The following GADL1 variants were observed in gnomAD, a reference collection of about 807,000 sequenced individuals.
GADL1 encodes the protein acidic amino acid decarboxylase GADL1.
Under a neutral mutation model 69.5 loss-of-function variants are expected in GADL1, and 71 were observed. The ratio of observed to expected loss-of-function variants is 1.02; its 90% CI spans 0.84 to 1.25. The LOEUF is 1.25. Ranked by LOEUF, GADL1 falls within the 50% of genes most tolerant of loss-of-function variation. GADL1 has a pLI of 0.00. For synonymous variants in GADL1, 254 were observed against 214.4 expected (o/e 1.18, Z -1.62); for missense variants, 737 against 631.8 (o/e 1.17, Z -1.79).
rs1301455418 is a variant in GADL1 at position 30,844,203 on chromosome 3, C to T, written c.786+7G>A. The T allele has an allele frequency of 1.9e-6, 3 of 1,610,826 alleles. No homozygotes were observed. The highest frequency in any genetic ancestry group is 2.2e-5 in the East Asian group (1 of 44,842). ...TTCTCTCTCCCTCTCGCTTTCTCCC[C>T]TCTCACCTCTTTTCTGGCTTGCCAG... On this transcript the variant is annotated splice_region_variant and intron_variant, in intron 8 of 14. Coordinates refer to ENST00000282538, the MANE Select transcript of GADL1 (RefSeq NM_207359.3).
chr3:30,744,863 A>C (rs1331512974), intron 14 of GADL1, among the ~76,000 whole-genome samples: 1 of 152,230 alleles, frequency 6.6e-6, no homozygotes, highest in Non-Finnish European at 1.5e-5. Flanking sequence ...CTTTATTTAC[A>C]AAAAAATGAC....
intron 12 of GADL1, chr3:30,799,667 C>T (rs930747105): frequency 5.3e-5 from 8 of 152,174 alleles, no homozygotes; most frequent in South Asian, 2.1e-4. Context: ...GTTTTTTCTA[C>T]TGCATCGTCA....
At chr3:30,776,384 TTC>T (rs1295430521) in intron 14 of GADL1, among the ~76,000 whole-genome samples, 2 of 152,226 alleles carry the variant, frequency 1.3e-5, no homozygotes, top group African/African-American at 4.8e-5. Context: ...CACCACTAAA[TTC>T]TCACATTGTC....
intron 4 of GADL1, 26 bp downstream of exon 4, chr3:30,854,673 T>A (rs1056895578): frequency 7.1e-7 from 1 of 1,400,444 alleles, no homozygotes; most frequent in African/African-American, 1.4e-5. Flanking sequence ...ACGTTTGGTG[T>A]GAAATTTCTA....
chr3:30,839,529 G>GAAAAAAAAAAAAAAAAAAAAAAA (rs1491390714), intron 8 of GADL1, among the ~76,000 whole-genome samples: 1 of 133,826 alleles, frequency 7.5e-6, no homozygotes, highest in African/African-American at 2.9e-5. Flanking sequence ...AAAAAAAAAG[G>GAAAAAAAAAAAAAAAAAAAAAAA]TTGGAAGACA....
chr3:30,848,331 G>C (rs1174838251), intron 6 of GADL1, among the ~76,000 whole-genome samples: 1 of 152,150 alleles, frequency 6.6e-6, no homozygotes, highest in African/African-American at 2.4e-5. Flanking sequence ...TTTGCACTTA[G>C]TGCTGAAAGA....
At chr3:30,832,435 T>C (rs1448497908) in intron 11 of GADL1, among the ~76,000 whole-genome samples, 1 of 151,886 alleles carries the variant, frequency 6.6e-6, no homozygotes, top group Admixed American at 6.6e-5. Context: ...TCTAAATTAC[T>C]CAAATATCAG....
intron 1 of GADL1, among the ~76,000 whole-genome samples, chr3:30,881,931 T>C (rs1247186284): frequency 1.3e-5 from 2 of 152,024 alleles, no homozygotes; most frequent in African/African-American, 2.4e-5. Flanking sequence ...CCTTCCATCA[T>C]GGAATGATGG....
intron 1 of GADL1, among the ~76,000 whole-genome samples, chr3:30,879,149 G>A (rs1205842467): frequency 1.3e-5 from 2 of 151,826 alleles, no homozygotes; most frequent in Non-Finnish European, 2.9e-5. Context: ...ATTCATACCT[G>A]GCTGTCATGT....
At chr3:30,753,909 T>C (rs1037408429) in intron 14 of GADL1, among the ~76,000 whole-genome samples, 6 of 152,194 alleles carry the variant, frequency 3.9e-5, no homozygotes, top group African/African-American at 1.2e-4. Context: ...AGACCATTGA[T>C]GAATCCAGAA....
chr3:30,768,608 T>C (rs1183920139), intron 14 of GADL1, among the ~76,000 whole-genome samples: 3 of 151,814 alleles, frequency 2.0e-5, no homozygotes, highest in Non-Finnish European at 4.4e-5. Flanking sequence ...GTGGCGAGAC[T>C]GGAGGTGCAA....
At chr3:30,891,469 T>C (rs901274455) in intron 1 of GADL1, among the ~76,000 whole-genome samples, 1 of 152,082 alleles carries the variant, frequency 6.6e-6, no homozygotes, top group African/African-American at 2.4e-5. Flanking sequence ...GCATTCTTCC[T>C]GTGGTCCCAG....
chr3:30,756,163 T>G (rs1695965044), intron 14 of GADL1, among the ~76,000 whole-genome samples: 2 of 152,174 alleles, frequency 1.3e-5, no homozygotes, highest in African/African-American at 4.8e-5. Context: ...TGTCAAGCAT[T>G]CATTTTCACT....
chr3:30,734,196 T>C (rs1695507772), intron 14 of GADL1, among the ~76,000 whole-genome samples: 1 of 152,210 alleles, frequency 6.6e-6, no homozygotes, highest in African/African-American at 2.4e-5. Context: ...GATCACAAAG[T>C]CTCACATCGA....
chr3:30,866,389 G>A (rs1016511174), intron 1 of GADL1, among the ~76,000 whole-genome samples: 5 of 152,050 alleles, frequency 3.3e-5, no homozygotes, highest in East Asian at 3.9e-4. Context: ...AACCTGGGAG[G>A]AGAAGGTTGC....
rs1575195866 is a variant in GADL1, at chr3:30,769,838, C to G, written c.1392+8341G>C. On this transcript the variant is annotated intron_variant, in intron 14 of 14. Coordinates refer to ENST00000282538, the MANE Select transcript of GADL1 (RefSeq NM_207359.3). ...ATCCCTCAGTCGATAGTGGGCCAAT[C>G]CCAGAACTGCTGCCATGGAGGAGCA... Among the ~76,000 whole-genome samples, 3 of 111,580 alleles carry G rather than the reference C, an allele frequency of 2.7e-5. No individual in the cohort carries two copies. In the South Asian group the frequency reaches 9.1e-4, roughly 34 times the overall value. The allele number at this position is 111,580 out of a possible 152,430, so 73.2% of individuals were successfully genotyped here.
chr3:30,796,983 G>T (rs1697046543), intron 12 of GADL1, among the ~76,000 whole-genome samples: 2 of 152,118 alleles, frequency 1.3e-5, no homozygotes, highest in Non-Finnish European at 2.9e-5. Flanking sequence ...AATTCTTCCT[G>T]CTAAAAGGCA....
intron 14 of GADL1, among the ~76,000 whole-genome samples, chr3:30,759,238 A>T (rs1247309737): frequency 6.8e-6 from 1 of 146,218 alleles, no homozygotes; most frequent in African/African-American, 2.5e-5. Flanking sequence ...TTTAGCTCTC[A>T]CAATGATTAT....
intron 11 of GADL1, among the ~76,000 whole-genome samples, chr3:30,810,835 TC>T (rs1328903316): frequency 6.6e-6 from 1 of 152,012 alleles, no homozygotes; most frequent in African/African-American, 2.4e-5. Flanking sequence ...ATAGCAGCCT[TC>T]CACGCAAAAT....
Sources: allele counts gnomAD v4.1 joint callset (sites outside exome capture counted in the v4.1 genomes callset), GRCh38; gene constraint gnomAD v4.1.1; transcripts MANE v1.5; gene names NCBI Gene and HGNC (gene_info 2026-07-23, HGNC 2026-07-21).